FAM228B: variants seen among roughly 807,000 people sequenced by gnomAD.
FAM228B encodes protein FAM228B.
A neutral mutation model predicts 42.6 loss-of-function variants in FAM228B; 38 were observed. That is an observed-to-expected ratio of 0.89 (90% CI 0.69 to 1.17). The LOEUF (loss-of-function observed/expected upper bound fraction) is 1.17, where lower values mean the gene tolerates loss of function less well. Ranked by LOEUF, FAM228B falls within the 50% of genes most tolerant of loss-of-function variation. FAM228B has a pLI of 0.00. For synonymous variants in FAM228B, 109 were observed against 122.3 expected, an observed-to-expected ratio of 0.89 and a Z score of 0.72; for missense variants, 344 against 367.3, an observed-to-expected ratio of 0.94 and a Z score of 0.52.
chr2:24,122,646 C>G (rs1190776815), upstream of FAM228B: 5 of 737,734 alleles, frequency 6.8e-6, no homozygotes, highest in African/African-American at 3.5e-5. Context: ...GTTCTAAGAT[C>G]AGCAAGTGTA....
At chr2:24,147,112 T>C (rs1666914365) in intron 7 of FAM228B, 26 bp downstream of exon 7, 1 of 1,476,262 alleles carries the variant, frequency 6.8e-7, no homozygotes, top group African/African-American at 1.4e-5. Flanking sequence ...CTAGAAATTA[T>C]AGAACCTTTT....
At position 24,155,506 on chromosome 2, in the gene FAM228B, TA is replaced by T. The variant is rs397869892; in HGVS notation, c.687-5999del. On this transcript the variant is annotated intron_variant, in intron 7 of 10. Transcript: ENST00000615575. ...GCCAGAAGTCATTGAAGACCATGCA[TA>T]TATATATATATATATATATATATAT... Among the ~76,000 whole-genome samples, 200 of 49,634 alleles carry T rather than the reference TA, an allele frequency of 4.0e-3. 12 individuals carry two copies. The highest frequency in any genetic ancestry group is 0.022 in the Middle Eastern group (2 of 92). The allele number at this position is 49,634 out of a possible 152,430, so 32.6% of individuals were successfully genotyped here.
upstream of FAM228B, chr2:24,119,521 G>C: frequency 7.8e-7 from 1 of 1,287,866 alleles, no homozygotes; most frequent in Non-Finnish European, 1.1e-6. Context: ...GTTACTCGTA[G>C]TCGGAAGACC....
intron 5 of FAM228B, among the ~76,000 whole-genome samples, chr2:24,141,774 A>G (rs746571036): frequency 6.6e-6 from 1 of 152,180 alleles, no homozygotes; most frequent in Non-Finnish European, 1.5e-5. Context: ...TGTCCAAATC[A>G]GTGAGAAGTC....
chr2:24,112,490 T>A (rs1272452086), intron 3 of FAM228B, among the ~76,000 whole-genome samples: 2 of 151,990 alleles, frequency 1.3e-5, no homozygotes, highest in Non-Finnish European at 2.9e-5. Flanking sequence ...TTAGTAGAGA[T>A]GGGGTTTTGC....
At position 24,137,916 on chromosome 2, in the gene FAM228B, A is replaced by G. The variant is rs762759258; in HGVS notation, c.176A>G (p.Asp59Gly). 3.3e-6 allele frequency: 5 copies of G among 1,520,780 alleles called. No individual in the cohort carries two copies. Among genetic ancestry groups the G allele is most frequent in the South Asian group, 2.6e-5 (2 of 77,814 alleles). The allele number at this position is 1,520,780 out of a possible 1,614,324, so 94.2% of individuals were successfully genotyped here. A position where few individuals can be genotyped will look rare whatever the true frequency, so the allele number is the denominator to read the frequency against. Residue 59 changes from aspartate to glycine, a missense_variant, in exon 4 of 11, where the codon GAT becomes GGT. Transcript: ENST00000615575. ...YKENSVIKEL[D>G]KYLQHHAFLN... ...TCTACCACTGTTTACTAGGAACTAG[A>G]TAAGTATTTACAACATCATGCCTTC... is the stretch of plus-strand genomic sequence containing the variant.
In FAM228B at chr2:24,155,789, C is replaced by T. The variant is rs1440453081; in HGVS notation, c.687-5717C>T. Among the ~76,000 whole-genome samples the T allele has an allele frequency of 2.0e-5, 3 of 152,174 alleles. No individual in the cohort carries two copies. In the East Asian group the frequency reaches 5.8e-4, roughly 29 times the overall value. On this transcript the variant is annotated intron_variant, in intron 7 of 10. Coordinates refer to ENST00000615575, the MANE Select transcript of FAM228B (RefSeq NM_001145710.2). ...CTCCTGACCTCAGGTGATCCGCTGC[C>T]TTGGCCTCCCAAAGTGCTGGGATTA...
At chr2:24,106,231 C>T (rs1665695023) in intron 3 of FAM228B, among the ~76,000 whole-genome samples, 1 of 149,742 alleles carries the variant, frequency 6.7e-6, no homozygotes, top group Admixed American at 6.7e-5. Context: ...AGGTTACCTA[C>T]AAAGGGAACT....
At chr2:24,090,472 TAC>T (rs1665365906) in intron 2 of FAM228B, among the ~76,000 whole-genome samples, 1 of 143,530 alleles carries the variant, frequency 7.0e-6, no homozygotes, top group African/African-American at 2.6e-5. Flanking sequence ...TAGTCCCAGG[TAC>T]CTGCGAGGCT....
chr2:24,134,217 A>C (rs1385025860), intron 2 of FAM228B, among the ~76,000 whole-genome samples: 1 of 152,218 alleles, frequency 6.6e-6, no homozygotes, highest in African/African-American at 2.4e-5. Flanking sequence ...CCATAGGCTT[A>C]TGTTTCAGTA....
chr2:24,158,588 A>C (rs1667214313), intron 7 of FAM228B, among the ~76,000 whole-genome samples: 2 of 152,098 alleles, frequency 1.3e-5, no homozygotes, highest in African/African-American at 4.8e-5. Flanking sequence ...GGTATATGAC[A>C]GTTTGGATAT....
chr2:24,111,095 G>A lies in FAM228B; in HGVS notation c.-121+15866G>A, dbSNP rs182962883. On this transcript the variant is annotated intron_variant, in intron 3 of 10. Coordinates refer to the FAM228B transcript ENST00000613899. Reference sequence around the variant, plus strand: ...TTTTTTTTTGAAACAGAGTCTCGCCGTGTCACCTAGGCTAGAATATAGTGG... The same window carrying A: ...TTTTTTTTTGAAACAGAGTCTCGCCATGTCACCTAGGCTAGAATATAGTGG... Among the ~76,000 whole-genome samples the A allele has an allele frequency of 8.2e-4, 124 of 151,790 alleles. 1 individual carries two copies. The highest frequency in any genetic ancestry group is 7.2e-4 in the Admixed American group (11 of 15,220).
At chr2:24,152,506 T>A (rs1246057285) in intron 7 of FAM228B, among the ~76,000 whole-genome samples, 1 of 152,226 alleles carries the variant, frequency 6.6e-6, no homozygotes, top group Admixed American at 6.5e-5. Flanking sequence ...CCAAGCCCAA[T>A]AATACTGTGG....
intron 2 of FAM228B, 71 bp from the exon 3 acceptor site, chr2:24,135,048 A>G: frequency 3.1e-6 from 3 of 973,738 alleles, no homozygotes; most frequent in Non-Finnish European, 4.7e-6. Flanking sequence ...GTCATGCTAA[A>G]TATAATGATT....
chr2:24,107,788 G>A (rs1665724934), intron 3 of FAM228B, among the ~76,000 whole-genome samples: 1 of 152,298 alleles, frequency 6.6e-6, no homozygotes, highest in East Asian at 1.9e-4. Context: ...AGTGTTAATA[G>A]GGAAGTTTAT....
At chr2:24,117,187 T>C (rs1357139793) in intron 3 of FAM228B, among the ~76,000 whole-genome samples, 2 of 151,886 alleles carry the variant, frequency 1.3e-5, no homozygotes, top group African/African-American at 4.8e-5. Context: ...GTCTAATTTA[T>C]GTATTTTTGG....
rs1426094229 is a variant in FAM228B, at chr2:24,084,438, G to A, written c.-210+3483G>A. ...GGGCAGGGGCCGCTGTATCCTCGCG[G>A]AGCAGCCCAGCCTCAGGCTGGCACC... On this transcript the variant is annotated intron_variant, in intron 2 of 10. Coordinates refer to the FAM228B transcript ENST00000613899. The surrounding 1 kb of genome is among the most constrained non-coding windows in gnomAD (Gnocchi z 8.4). The A allele has an allele frequency of 2.2e-6, 3 of 1,338,070 alleles. No individual in the cohort carries two copies. Among genetic ancestry groups the A allele is most frequent in the Non-Finnish European group, 2.0e-6 (2 of 1,017,236 alleles). 82.9% of individuals were successfully genotyped at this position (1,338,070 alleles called of 1,614,324 possible).
chr2:24,077,722 G>A lies in FAM228B; in HGVS notation c.-290+753G>A, dbSNP rs1207847748. On this transcript the variant is annotated intron_variant, in intron 1 of 10. Coordinates refer to the FAM228B transcript ENST00000613899. This position sits in a 1 kb window ranked among gnomAD's most constrained non-coding sequence, Gnocchi z 5.5. ...GGGCCCTCCGTGGAGAAGTGAGGCA[G>A]AATTTGCTCCGTGAAAGCATTCACC... 6.2e-7 allele frequency: 1 copy of A among 1,613,906 alleles called. No homozygotes were observed. Among genetic ancestry groups the A allele is most frequent in the Non-Finnish European group, 8.5e-7 (1 of 1,179,962 alleles).
intron 3 of FAM228B, among the ~76,000 whole-genome samples, chr2:24,107,843 C>T (rs1665725535): frequency 6.6e-6 from 1 of 152,106 alleles, no homozygotes; most frequent in African/African-American, 2.4e-5. Context: ...AAATTAACAA[C>T]CTAATATTAC....
Sources: allele counts gnomAD v4.1 joint callset (sites outside exome capture counted in the v4.1 genomes callset), GRCh38; gene constraint gnomAD v4.1.1; non-coding constraint Gnocchi (gnomAD v3.1); transcripts MANE v1.5; gene names NCBI Gene and HGNC (gene_info 2026-07-23, HGNC 2026-07-21).